ZFY: variants seen among roughly 807,000 people sequenced by gnomAD.
The protein encoded by ZFY is zinc finger Y-chromosomal protein.
For synonymous variants in ZFY, 47 were observed against 55.8 expected, an observed-to-expected ratio of 0.84 and a Z score of 0.71; for missense variants, 113 against 170.9, an observed-to-expected ratio of 0.66 and a Z score of 1.89.
At chrY:2,940,290 T>C (rs2051237821) in intron 1 of ZFY, among the ~76,000 whole-genome samples, 1 of 33,601 alleles carries the variant, frequency 3.0e-5, no homozygotes, top group African/African-American at 1.2e-4. Flanking sequence ...TATTTAGCTA[T>C]AAAATGAAAT....
intron 1 of ZFY, among the ~76,000 whole-genome samples, chrY:2,939,969 T>G (rs2051236534): frequency 1.5e-4 from 5 of 33,872 alleles, no homozygotes; most frequent in Admixed American, 1.4e-3. Context: ...TAGTTTTTTA[T>G]CTTGATTTGC....
In ZFY at chrY:2,979,981, T is replaced by C. The variant is rs773925410; in HGVS notation, c.2394T>C (p.Val798=). ...NQHIMRHHKE[V]GLP Reference sequence around the variant, plus strand: ...ACATAATGAGACACCATAAAGAAGTTGGTCTGCCCTAACAGTGTGTCTACA... The same window carrying C: ...ACATAATGAGACACCATAAAGAAGTCGGTCTGCCCTAACAGTGTGTCTACA... The change falls in exon 8 of 8, where the codon GTT becomes GTC. Residue 798 remains valine, a synonymous_variant. Coordinates refer to ENST00000155093, the MANE Select transcript of ZFY (RefSeq NM_003411.4). 2.5e-6 allele frequency: 1 copy of C among 398,870 alleles called. No individual in the cohort carries two copies. Among genetic ancestry groups the C allele is most frequent in the East Asian group, 9.2e-5 (1 of 10,858 alleles).
chrY:2,949,668 C>CA (rs1386779144), intron 1 of ZFY, among the ~76,000 whole-genome samples: 4 of 1,107 alleles, frequency 3.6e-3, no homozygotes, highest in Non-Finnish European at 6.3e-3. Context: ...CTCATGTCTA[C>CA]AAAAAAAAAA....
At chrY:2,939,017 ATATAT>A in intron 1 of ZFY, among the ~76,000 whole-genome samples, 1 of 19,846 alleles carries the variant, frequency 5.0e-5, no homozygotes, top group South Asian at 1.1e-3. Context: ...ATATATATAT[ATATAT>A]AAATAAATAA....
At chrY:2,971,305 A>G in intron 3 of ZFY, among the ~76,000 whole-genome samples, 1 of 33,667 alleles carries the variant, frequency 3.0e-5, no homozygotes, top group East Asian at 7.7e-4. Context: ...AGTTCATTCC[A>G]TACCTGCAGA....
chrY:2,946,410 T>C (rs2051262254), intron 1 of ZFY, among the ~76,000 whole-genome samples: 3 of 33,823 alleles, frequency 8.9e-5, no homozygotes, highest in Non-Finnish European at 2.2e-4. Flanking sequence ...ACTTTTTATT[T>C]TACTGAATGA....
At chrY:2,971,430 T>C (rs2051347531) in intron 3 of ZFY, among the ~76,000 whole-genome samples, 1 of 33,466 alleles carries the variant, frequency 3.0e-5, no homozygotes. Flanking sequence ...AGTTCACATT[T>C]CCCACTATGG....
At chrY:2,960,907 ATTTG>A (rs2051306757) in intron 2 of ZFY, among the ~76,000 whole-genome samples, 163 bp from the exon 3 acceptor site, 2 of 32,744 alleles carry the variant, frequency 6.1e-5, no homozygotes, top group African/African-American at 2.4e-4. Flanking sequence ...TATGTTAAAA[ATTTG>A]TTTGTTAAGT....
intron 3 of ZFY, among the ~76,000 whole-genome samples, chrY:2,967,200 A>C: frequency 2.9e-5 from 1 of 33,955 alleles, no homozygotes; most frequent in Non-Finnish European, 7.3e-5. Context: ...CATAGCATGG[A>C]TGAACTTTGA....
At chrY:2,947,653 A>G (rs771485283) in intron 1 of ZFY, among the ~76,000 whole-genome samples, 57 of 33,674 alleles carry the variant, frequency 1.7e-3, no homozygotes, top group Admixed American at 4.3e-3. Context: ...TTGCTTTGTA[A>G]TTACTTTGTA....
chrY:2,966,464 G>A (rs960885336), intron 3 of ZFY, among the ~76,000 whole-genome samples: 1 of 33,311 alleles, frequency 3.0e-5, no homozygotes, highest in East Asian at 7.8e-4. Flanking sequence ...AGATTATCTC[G>A]TCTGAAGAGA....
At chrY:2,963,970 G>T (rs939324801) in intron 3 of ZFY, among the ~76,000 whole-genome samples, 2 of 32,472 alleles carry the variant, frequency 6.2e-5, no homozygotes, top group African/African-American at 2.4e-4. Flanking sequence ...CCAAATGCAA[G>T]AATTTTAAAA....
In ZFY at chrY:2,980,444, T is replaced by G; in HGVS notation, c.*451T>G. On this transcript the variant is annotated 3_prime_UTR_variant, in exon 8 of 8. Coordinates refer to ENST00000155093, the MANE Select transcript of ZFY (RefSeq NM_003411.4). Reference sequence around the variant, plus strand: ...AAGTCCAATTAGCAAAACGTGGTAATAATTTTTTTGTCAGTATTTTCAGAT... The same window carrying G: ...AAGTCCAATTAGCAAAACGTGGTAAGAATTTTTTTGTCAGTATTTTCAGAT... The G allele has an allele frequency of 2.5e-5, 1 of 40,319 alleles. No individual in the cohort carries two copies. The highest frequency in any genetic ancestry group is 5.7e-5 in the Non-Finnish European group (1 of 17,632). 10.1% of individuals were successfully genotyped at this position (40,319 alleles called of 400,897 possible).
chrY:2,957,612 A>G (rs2051296822), intron 2 of ZFY, among the ~76,000 whole-genome samples: 1 of 32,977 alleles, frequency 3.0e-5, no homozygotes, highest in South Asian at 6.6e-4. Flanking sequence ...TTATTCTTGT[A>G]AGAAATTTTA....
At position 2,961,246 on chromosome Y, in the gene ZFY, T is replaced by G; in HGVS notation, c.234T>G (p.Val78=). The G allele has an allele frequency of 2.5e-6, 1 of 399,061 alleles. No individual in the cohort carries two copies. The highest frequency in any genetic ancestry group is 3.5e-6 in the Non-Finnish European group (1 of 283,677). Residue 78 remains valine, a synonymous_variant, in exon 3 of 8, where the codon GTT becomes GTG. Transcript: ENST00000155093. ...AAGATGTTGTCATAGAGGAGGATGT[T>G]CAGTGCTCAGATATCTTAGAAGAGG... The part of the protein sequence containing the change: ...VVEDVVIEED[V]QCSDILEEAD...
chrY:2,963,334 T>C (rs780708462), intron 3 of ZFY, among the ~76,000 whole-genome samples: 222 of 33,436 alleles, frequency 6.6e-3, no homozygotes, highest in African/African-American at 0.025. Flanking sequence ...GAGAGAGTCC[T>C]CTATGGTATC....
At chrY:2,956,494 A>G (rs1047414625) in intron 2 of ZFY, among the ~76,000 whole-genome samples, 11 of 33,368 alleles carry the variant, frequency 3.3e-4, no homozygotes, top group African/African-American at 1.3e-3. Flanking sequence ...TATAAGGAAC[A>G]TGCAACCTAG....
chrY:2,945,574 A>G, intron 1 of ZFY, among the ~76,000 whole-genome samples: 1 of 31,834 alleles, frequency 3.1e-5, no homozygotes, highest in African/African-American at 1.2e-4. Flanking sequence ...GGTCCAAGCA[A>G]TTCTTGTGCC....
At chrY:2,938,145 G>T (rs2051222930) in intron 1 of ZFY, among the ~76,000 whole-genome samples, 1 of 15,141 alleles carries the variant, frequency 6.6e-5, no homozygotes, top group African/African-American at 2.7e-4. Context: ...CCGCCACCAC[G>T]CCGGGCTAAT....
Sources: allele counts gnomAD v4.1 joint callset (sites outside exome capture counted in the v4.1 genomes callset), GRCh38; gene constraint gnomAD v4.1.1; transcripts MANE v1.5; gene names NCBI Gene and HGNC (gene_info 2026-07-23, HGNC 2026-07-21).